Variants in SNTG1 observed in about 807,000 individuals in gnomAD.
The protein encoded by SNTG1 is syntrophin gamma 1, also known as gamma-1-syntrophin.
SNTG1 carries 39 observed loss-of-function variants against 74.7 expected under a neutral mutation model. That is an observed-to-expected ratio of 0.52 (90% CI 0.40 to 0.68). The LOEUF is 0.68. SNTG1 is among the 30% of genes least tolerant of loss of function. The pLI is 0.00. For synonymous variants in SNTG1, 254 were observed against 217.1 expected, an observed-to-expected ratio of 1.17 and a Z score of -1.49; for missense variants, 685 against 609.5, an observed-to-expected ratio of 1.12 and a Z score of -1.30.
intron 1 of SNTG1, among the ~76,000 whole-genome samples, chr8:50,064,592 C>T (rs1315129407): frequency 1.3e-5 from 2 of 152,182 alleles, no homozygotes; most frequent in African/African-American, 4.8e-5. Flanking sequence ...TGAAAACTTC[C>T]ACTGTGGCCT....
intron 13 of SNTG1, among the ~76,000 whole-genome samples, chr8:50,629,976 C>T (rs1436923148): frequency 2.0e-5 from 3 of 152,104 alleles, no homozygotes; most frequent in Non-Finnish European, 4.4e-5. Flanking sequence ...GCAATGATAG[C>T]CATTTGATGT....
At chr8:49,925,209 T>C (rs1471536174) in intron 1 of SNTG1, among the ~76,000 whole-genome samples, 1 of 152,156 alleles carries the variant, frequency 6.6e-6, no homozygotes, top group East Asian at 1.9e-4. Flanking sequence ...CACAGTTATG[T>C]TATATTTAAA....
At chr8:50,507,623 T>C (rs2094019335) in intron 9 of SNTG1, among the ~76,000 whole-genome samples, 1 of 152,318 alleles carries the variant, frequency 6.6e-6, no homozygotes, top group South Asian at 2.1e-4. Context: ...TAATTGTCCA[T>C]ATTACTCTTT....
chr8:50,639,875 T>A (rs768035546), intron 13 of SNTG1, among the ~76,000 whole-genome samples: 2 of 152,106 alleles, frequency 1.3e-5, no homozygotes, highest in Non-Finnish European at 2.9e-5. Flanking sequence ...CCATCTGTAA[T>A]CAGTATTTAT....
chr8:50,286,079 C>A (rs1586960605), intron 2 of SNTG1, among the ~76,000 whole-genome samples: 1 of 152,060 alleles, frequency 6.6e-6, no homozygotes, highest in African/African-American at 2.4e-5. Flanking sequence ...TTTTTTCTCA[C>A]TATATGTATA....
chr8:50,188,341 A>G (rs971699369), intron 2 of SNTG1, among the ~76,000 whole-genome samples: 7 of 152,060 alleles, frequency 4.6e-5, no homozygotes, highest in African/African-American at 1.7e-4. Flanking sequence ...GGCAAAATGA[A>G]CAACCAGGTG....
intron 9 of SNTG1, among the ~76,000 whole-genome samples, chr8:50,506,831 A>G (rs1205562462): frequency 2.0e-5 from 3 of 151,940 alleles, no homozygotes; most frequent in Non-Finnish European, 2.9e-5. Context: ...TTCTGGCTAG[A>G]ACTTTTGGTT....
intron 2 of SNTG1, among the ~76,000 whole-genome samples, chr8:50,278,035 T>C (rs1365244586): frequency 6.6e-6 from 1 of 152,074 alleles, no homozygotes; most frequent in Admixed American, 6.6e-5. Context: ...TAGCCATGCT[T>C]GGTGGCGTAT....
intron 15 of SNTG1, among the ~76,000 whole-genome samples, chr8:50,687,121 G>A (rs372377847): frequency 7.1e-6 from 1 of 141,790 alleles, no homozygotes; most frequent in Non-Finnish European, 1.5e-5. Flanking sequence ...CGGCCTGGGC[G>A]ACAGAGCGAG....
chr8:50,003,695 T>A (rs1814955788), intron 1 of SNTG1, among the ~76,000 whole-genome samples: 1 of 152,198 alleles, frequency 6.6e-6, no homozygotes, highest in Non-Finnish European at 1.5e-5. Flanking sequence ...GTATTTACTT[T>A]TTGTTCTCTC....
At chr8:50,663,113 G>A (rs928880190) in intron 15 of SNTG1, among the ~76,000 whole-genome samples, 2 of 152,116 alleles carry the variant, frequency 1.3e-5, no homozygotes, top group African/African-American at 4.8e-5. Context: ...CCAGCCAGTA[G>A]GAGGGGAGGA....
intron 9 of SNTG1, among the ~76,000 whole-genome samples, chr8:50,525,400 A>G (rs764575743): frequency 6.6e-6 from 1 of 152,010 alleles, no homozygotes; most frequent in Non-Finnish European, 1.5e-5. Flanking sequence ...AGTTTCTTCT[A>G]TTGTATGTTC....
intron 2 of SNTG1, among the ~76,000 whole-genome samples, chr8:50,181,562 C>G (rs191658074): frequency 6.6e-6 from 1 of 152,020 alleles, no homozygotes; most frequent in African/African-American, 2.4e-5. Flanking sequence ...CTGGTACTTA[C>G]AATATTTATG....
intron 1 of SNTG1, among the ~76,000 whole-genome samples, chr8:50,070,037 G>A (rs203940): frequency 0.62 from 94,202 of 151,876 alleles, 29,537 homozygotes; most frequent in East Asian, 0.84. Context: ...AAACACCCAC[G>A]ACACAGAGAA....
At chr8:50,560,587 A>T (rs1399181834) in intron 12 of SNTG1, among the ~76,000 whole-genome samples, 1 of 152,204 alleles carries the variant, frequency 6.6e-6, no homozygotes, top group Non-Finnish European at 1.5e-5. Context: ...ATGGAGCTGG[A>T]AGCTGTTATC....
chr8:50,559,869 C>T (rs1028291480), intron 12 of SNTG1, among the ~76,000 whole-genome samples: 2 of 152,114 alleles, frequency 1.3e-5, no homozygotes, highest in Non-Finnish European at 2.9e-5. Context: ...CAAAAATTGA[C>T]AAATGCAATC....
intron 1 of SNTG1, among the ~76,000 whole-genome samples, chr8:50,027,359 T>C (rs544880925): frequency 5.1e-4 from 77 of 152,248 alleles, no homozygotes; most frequent in African/African-American, 1.8e-3. Context: ...TCCTATGCCA[T>C]TTTGGTGTCC....
At chr8:50,531,291 C>A (rs1322072055) in intron 10 of SNTG1, among the ~76,000 whole-genome samples, 1 of 151,738 alleles carries the variant, frequency 6.6e-6, no homozygotes, top group East Asian at 1.9e-4. Context: ...CTAAAACCAT[C>A]TTCAGCTGGA....
intron 2 of SNTG1, among the ~76,000 whole-genome samples, chr8:50,209,178 G>A (rs910888580): frequency 6.6e-6 from 1 of 152,108 alleles, no homozygotes; most frequent in Non-Finnish European, 1.5e-5. Context: ...TGGGGGAGGG[G>A]TGCCCGCCAT....
Sources: allele counts gnomAD v4.1 joint callset (sites outside exome capture counted in the v4.1 genomes callset), GRCh38; gene constraint gnomAD v4.1.1; transcripts MANE v1.5; gene names NCBI Gene and HGNC (gene_info 2026-07-23, HGNC 2026-07-21).